Variants in VEGFC observed in about 807,000 individuals in gnomAD.
VEGFC encodes the protein vascular endothelial growth factor C, also known as FLT4 ligand DHM.
A neutral mutation model predicts 46.1 loss-of-function variants in VEGFC; 12 were observed. The observed-to-expected ratio is 0.26, with a 90% CI of 0.17 to 0.42. The LOEUF is 0.42. Ranked by LOEUF, VEGFC falls within the 10% of genes least tolerant of loss-of-function variation. The pLI is 1.00. For synonymous variants in VEGFC, 232 were observed against 195.5 expected (o/e 1.19, Z -1.56); for missense variants, 488 against 529.4 (o/e 0.92, Z 0.77).
Position 176,687,379 on chromosome 4 carries a change from A to T in VEGFC, c.953T>A (p.Val318Asp). 6.2e-7 allele frequency: 1 copy of T among 1,614,114 alleles called. No homozygotes were observed. Among genetic ancestry groups the T allele is most frequent in the African/African-American group, 1.3e-5 (1 of 75,038 alleles). The part of the protein sequence containing the change: ...KELDRNSCQC[V>D]CKNKLFPSQC... ...GCTGGGGAAGAGTTTGTTTTTACAGACACACTGGCATGAGTTTCTGTCTAG... is the reference window on the plus strand; with the variant it reads ...GCTGGGGAAGAGTTTGTTTTTACAGTCACACTGGCATGAGTTTCTGTCTAG... Residue 318 changes from valine (V) to aspartate (D), a missense_variant, in exon 6 of 7, where the codon GTC becomes GAC. Physicochemically the swap from Val to Asp is radical, Grantham distance 152 (BLOSUM62 -3). Transcript: ENST00000618562.
rs372317241 is a variant in VEGFC, at chr4:176,716,297, C to T, written c.553-4647G>A. The stretch of plus-strand genomic sequence containing the variant: ...CTGATCAGAAACCTAACAATGAGGG[C>T]GGGGCATGGTGACTCACGCCTGTAA... On this transcript the variant is annotated intron_variant, in intron 3 of 6. Coordinates refer to ENST00000618562, the MANE Select transcript of VEGFC (RefSeq NM_005429.5). Among the ~76,000 whole-genome samples, 48 of 151,992 alleles carry T rather than the reference C, an allele frequency of 3.2e-4. 1 individual carries two copies. The highest frequency in any genetic ancestry group is 1.0e-3 in the African/African-American group (43 of 41,450).
At chr4:176,721,490 A>C (rs1261137995) in intron 3 of VEGFC, among the ~76,000 whole-genome samples, 1 of 152,226 alleles carries the variant, frequency 6.6e-6, no homozygotes, top group Non-Finnish European at 1.5e-5. Flanking sequence ...TGGAGGTAGG[A>C]GACCAGTTAT....
At chr4:176,775,101 A>G (rs1241075697) in intron 1 of VEGFC, among the ~76,000 whole-genome samples, 1 of 152,182 alleles carries the variant, frequency 6.6e-6, no homozygotes, top group African/African-American at 2.4e-5. Flanking sequence ...TGACTTTTAG[A>G]TATTTACCCT....
In VEGFC at chr4:176,762,427, C is replaced by T. The variant is rs1219324286; in HGVS notation, c.147+29738G>A. 2.6e-5 allele frequency among the ~76,000 whole-genome samples: 4 copies of T among 152,160 alleles called. No homozygotes were observed. In the East Asian group the frequency reaches 5.8e-4, roughly 22 times the overall value. Reference sequence around the variant, plus strand: ...CCTCCAGAGGACGCAGCCTTCAAAGCGCCACCTTAGAAGCAGAGACGGGGC... The same window carrying T: ...CCTCCAGAGGACGCAGCCTTCAAAGTGCCACCTTAGAAGCAGAGACGGGGC... On this transcript the variant is annotated intron_variant, in intron 1 of 6. Coordinates refer to ENST00000618562, the MANE Select transcript of VEGFC (RefSeq NM_005429.5).
intron 1 of VEGFC, among the ~76,000 whole-genome samples, chr4:176,765,538 T>C (rs1006696589): frequency 1.3e-5 from 2 of 148,194 alleles, no homozygotes; most frequent in Admixed American, 6.7e-5. Context: ...ACTACTGAAA[T>C]CCAAAGACAG....
intron 1 of VEGFC, among the ~76,000 whole-genome samples, chr4:176,740,560 T>G (rs1383861444): frequency 1.4e-5 from 2 of 138,766 alleles, no homozygotes; most frequent in East Asian, 4.2e-4. Context: ...TAACTATATA[T>G]TCTATATATA....
chr4:176,734,515 A>T (rs1246581212), intron 1 of VEGFC, among the ~76,000 whole-genome samples: 1 of 151,840 alleles, frequency 6.6e-6, no homozygotes, highest in Non-Finnish European at 1.5e-5. Flanking sequence ...ACTAAGAAAT[A>T]TACGCGAGAA....
At chr4:176,776,956 T>A (rs1285232778) in intron 1 of VEGFC, among the ~76,000 whole-genome samples, 1 of 152,198 alleles carries the variant, frequency 6.6e-6, no homozygotes, top group African/African-American at 2.4e-5. Flanking sequence ...TGTTCTAATA[T>A]CTCCTGCTTT....
At chr4:176,780,387 A>AAAAAAAAAAAAAAACC in intron 1 of VEGFC, among the ~76,000 whole-genome samples, 1 of 114,782 alleles carries the variant, frequency 8.7e-6, no homozygotes, top group African/African-American at 3.2e-5. Flanking sequence ...ATCTCAAAAA[A>AAAAAAAAAAAAAAACC]AAAAAAAAAA....
At chr4:176,686,104 C>T (rs74936725) in intron 6 of VEGFC, among the ~76,000 whole-genome samples, 12,741 of 152,014 alleles carry the variant, frequency 0.084, 593 homozygotes, top group Non-Finnish European at 0.1. Context: ...TGATTAAAAA[C>T]AAATGGTCTG....
At chr4:176,685,451 T>C (rs917435486) in intron 6 of VEGFC, among the ~76,000 whole-genome samples, 7 of 152,168 alleles carry the variant, frequency 4.6e-5, no homozygotes, top group Admixed American at 1.3e-4. Flanking sequence ...CTTGGAATTA[T>C]ACACTTAGAA....
At chr4:176,697,813 T>A (rs201464795) in intron 4 of VEGFC, among the ~76,000 whole-genome samples, 1,971 of 109,038 alleles carry the variant, frequency 0.018, no homozygotes, top group African/African-American at 0.022. Context: ...CCATAAAAAA[T>A]GATGAGTTCA....
intron 1 of VEGFC, among the ~76,000 whole-genome samples, chr4:176,749,437 A>G (rs1006844372): frequency 1.3e-5 from 2 of 151,812 alleles, no homozygotes; most frequent in African/African-American, 4.8e-5. Context: ...TAAATGTCAA[A>G]TTTTGTGTAT....
chr4:176,695,789 G>A (rs1476038106), intron 4 of VEGFC, among the ~76,000 whole-genome samples: 1 of 152,038 alleles, frequency 6.6e-6, no homozygotes, highest in Non-Finnish European at 1.5e-5. Context: ...CCATGATCAA[G>A]CGGGCTTCAT....
intron 4 of VEGFC, among the ~76,000 whole-genome samples, chr4:176,704,890 T>TTTC (rs1393818252): frequency 6.6e-6 from 1 of 152,142 alleles, no homozygotes; most frequent in African/African-American, 2.4e-5. Context: ...ATTTCACTGA[T>TTTC]TTCAGTCATA....
chr4:176,690,877 T>C (rs913082846), intron 4 of VEGFC, among the ~76,000 whole-genome samples: 1 of 152,214 alleles, frequency 6.6e-6, no homozygotes, highest in Non-Finnish European at 1.5e-5. Context: ...TCTTTCATTT[T>C]ACCAACATGT....
At chr4:176,732,533 T>C (rs1019653677) in intron 1 of VEGFC, among the ~76,000 whole-genome samples, 1 of 151,828 alleles carries the variant, frequency 6.6e-6, no homozygotes, top group East Asian at 2.0e-4. Flanking sequence ...AGCCAGATAA[T>C]ATCAATGAGA....
intron 2 of VEGFC, among the ~76,000 whole-genome samples, chr4:176,728,762 C>T (rs1233352809): frequency 6.6e-6 from 1 of 152,206 alleles, no homozygotes; most frequent in African/African-American, 2.4e-5. Flanking sequence ...AACCATGAAG[C>T]CATTTTGTTT....
At chr4:176,720,691 A>T (rs1327554390) in intron 3 of VEGFC, among the ~76,000 whole-genome samples, 1 of 151,906 alleles carries the variant, frequency 6.6e-6, no homozygotes, top group African/African-American at 2.4e-5. Context: ...AATACAAAAA[A>T]TTAGCCAGGT....
Sources: allele counts gnomAD v4.1 joint callset (sites outside exome capture counted in the v4.1 genomes callset), GRCh38; gene constraint gnomAD v4.1.1; transcripts MANE v1.5; gene names NCBI Gene and HGNC (gene_info 2026-07-23, HGNC 2026-07-21).